Variants in GABRR3 observed in about 807,000 individuals in gnomAD.
GABRR3 encodes gamma-aminobutyric acid type A receptor subunit rho3, also known as gamma-aminobutyric acid receptor subunit rho-3.
A neutral mutation model predicts 43.2 loss-of-function variants in GABRR3; 29 were observed. The observed-to-expected ratio is 0.67, with a 90% CI of 0.50 to 0.92. The LOEUF (loss-of-function observed/expected upper bound fraction) is 0.92, where lower values mean the gene tolerates loss of function less well. Ranked by LOEUF, GABRR3 falls within the 40% of genes least tolerant of loss-of-function variation. The pLI is 0.00. For missense variants in GABRR3, 576 were observed against 572.3 expected (o/e 1.01, Z -0.07); for synonymous variants, 206 against 195.9 (o/e 1.05, Z -0.43).
intron 3 of GABRR3, among the ~76,000 whole-genome samples, chr3:98,018,438 T>C (rs1706900420): frequency 1.3e-5 from 2 of 152,172 alleles, no homozygotes; most frequent in Admixed American, 1.3e-4. Flanking sequence ...GACAGAGCAC[T>C]GCTGACACTT....
chr3:97,988,210 G>A (rs1243194372), intron 9 of GABRR3, among the ~76,000 whole-genome samples: 2 of 151,924 alleles, frequency 1.3e-5, no homozygotes, highest in East Asian at 1.9e-4. Flanking sequence ...CCCTACAGAA[G>A]GACGCATAAT....
intron 2 of GABRR3, among the ~76,000 whole-genome samples, chr3:98,028,692 A>G (rs138874682): frequency 6.6e-6 from 1 of 152,304 alleles, no homozygotes; most frequent in East Asian, 1.9e-4. Context: ...TGAGTAGATC[A>G]GTTTTAAGAA....
intron 3 of GABRR3, among the ~76,000 whole-genome samples, chr3:98,023,926 G>A (rs1470148307): frequency 1.3e-5 from 2 of 152,166 alleles, no homozygotes; most frequent in East Asian, 1.9e-4. Context: ...TGTTAGAAAC[G>A]CAAATGGTTG....
chr3:98,026,250 G>A (rs377227283), intron 2 of GABRR3, among the ~76,000 whole-genome samples: 6 of 152,170 alleles, frequency 3.9e-5, no homozygotes, highest in African/African-American at 1.4e-4. Context: ...ATTCCCATCC[G>A]GGGTTCTAGA....
chr3:98,010,003 C>A (rs1286064827), intron 5 of GABRR3, among the ~76,000 whole-genome samples: 1 of 152,148 alleles, frequency 6.6e-6, no homozygotes, highest in Admixed American at 6.5e-5. Flanking sequence ...GTGTCAGAAC[C>A]AAGCTGGAAC....
At chr3:98,014,193 T>C (rs1162755627) in intron 4 of GABRR3, among the ~76,000 whole-genome samples, 2 of 152,192 alleles carry the variant, frequency 1.3e-5, no homozygotes, top group Admixed American at 1.3e-4. Flanking sequence ...CAGCTAACCT[T>C]ATTCAGGAGG....
intron 8 of GABRR3, chr3:97,999,435 T>C (rs1706603538): frequency 6.6e-6 from 1 of 152,110 alleles, no homozygotes; most frequent in Non-Finnish European, 1.5e-5. Flanking sequence ...TTGTAGTATC[T>C]GAAGGTGAAG....
At chr3:98,000,302 G>A (rs1355412279) in intron 8 of GABRR3, 1 of 152,102 alleles carries the variant, frequency 6.6e-6, no homozygotes, top group East Asian at 1.9e-4. Flanking sequence ...CATTTTCACA[G>A]TATAAGAGCA....
At chr3:98,019,715 A>G (rs1706914362) in intron 3 of GABRR3, among the ~76,000 whole-genome samples, 1 of 152,068 alleles carries the variant, frequency 6.6e-6, no homozygotes, top group Admixed American at 6.6e-5. Context: ...CCTCCTGAGT[A>G]GCTGGGATTA....
rs980085111 is a variant in GABRR3 at position 98,002,644 on chromosome 3, A to G, written c.755-877T>C. Among the ~76,000 whole-genome samples, 12 of 152,220 alleles carry G rather than the reference A, an allele frequency of 7.9e-5. No individual in the cohort carries two copies. In the East Asian group the frequency reaches 2.1e-3, roughly 27 times the overall value. ...CTTTATTTCACAATAACTATGTGCTAATCTTGTTAAATCTTTACTAAAATA... is the reference window on the plus strand; with the variant it reads ...CTTTATTTCACAATAACTATGTGCTGATCTTGTTAAATCTTTACTAAAATA... On this transcript the variant is annotated intron_variant, in intron 7 of 9. Coordinates refer to ENST00000621172, the Ensembl canonical transcript of GABRR3.
chr3:98,000,107 T>A (rs1003455250), intron 8 of GABRR3: 6 of 152,102 alleles, frequency 3.9e-5, no homozygotes, highest in Non-Finnish European at 8.8e-5. Context: ...TAAAATAATT[T>A]TTTTAAAAAG....
chr3:98,001,875 T>C lies in GABRR3; in HGVS notation c.755-108A>G, dbSNP rs1576039501. 9 of 1,164,452 alleles carry C rather than the reference T, an allele frequency of 7.7e-6. No homozygotes were observed. In the East Asian group the frequency reaches 2.0e-4, roughly 25 times the overall value. The allele number at this position is 1,164,452 out of a possible 1,614,324, so 72.1% of individuals were successfully genotyped here. A position where few individuals can be genotyped will look rare whatever the true frequency, so the allele number is the denominator to read the frequency against. On this transcript the variant is annotated intron_variant, in intron 7 of 9. Transcript: ENST00000621172. Reference sequence around the variant, plus strand: ...ACTCCAAGCTCTTGGGGACACGGAATTTGACAAACTCATCTCCATTTAGTT... The same window carrying C: ...ACTCCAAGCTCTTGGGGACACGGAACTTGACAAACTCATCTCCATTTAGTT...
chr3:97,990,633 C>A (rs928867372), intron 9 of GABRR3, among the ~76,000 whole-genome samples: 3 of 152,278 alleles, frequency 2.0e-5, no homozygotes, highest in East Asian at 1.9e-4. Context: ...AGGCATGAAC[C>A]ACTGTGCCTG....
downstream of GABRR3, among the ~76,000 whole-genome samples, chr3:97,985,503 G>A (rs1706372710): frequency 6.6e-6 from 1 of 152,132 alleles, no homozygotes; most frequent in Non-Finnish European, 1.5e-5. Context: ...ACCAGACAGT[G>A]TACATACCTC....
downstream of GABRR3, among the ~76,000 whole-genome samples, chr3:97,985,842 A>ATT (rs1163114616): frequency 8.4e-5 from 4 of 47,366 alleles, no homozygotes; most frequent in Non-Finnish European, 1.8e-4. Flanking sequence ...ATGAAACAAT[A>ATT]TTTTATATAT....
At chr3:98,008,114 A>G (rs1232773819) in intron 6 of GABRR3, among the ~76,000 whole-genome samples, 1 of 152,194 alleles carries the variant, frequency 6.6e-6, no homozygotes, top group Non-Finnish European at 1.5e-5. Flanking sequence ...GACCCTGATG[A>G]CTAGTATAGT....
rs529199980 is a variant in GABRR3 at position 98,007,591 on chromosome 3, GGAAA to G, written c.754+169_754+172del. The G allele has an allele frequency of 1.6e-3, 297 of 190,276 alleles. 1 individual carries two copies. Among genetic ancestry groups the G allele is most frequent in the Middle Eastern group, 0.011 (4 of 352 alleles). The allele number at this position is 190,276 out of a possible 1,614,324, so 11.8% of individuals were successfully genotyped here. A position where few individuals can be genotyped will look rare whatever the true frequency, so the allele number is the denominator to read the frequency against. ...CTAGTTAGAGGTGGCTGCATGAGTG[GGAAA>G]GAAACGATGTATGGAAGGGTGGAGC... On this transcript the variant is annotated intron_variant, in intron 7 of 9. Coordinates refer to ENST00000621172, the Ensembl canonical transcript of GABRR3.
At chr3:98,004,627 G>A (rs981931933) in intron 7 of GABRR3, among the ~76,000 whole-genome samples, 1 of 150,752 alleles carries the variant, frequency 6.6e-6, no homozygotes, top group Non-Finnish European at 1.5e-5. Flanking sequence ...TGTTAATATT[G>A]CCAGGTCGTG....
At chr3:98,008,063 C>T (rs1706744581) in intron 6 of GABRR3, 159 bp from the exon 7 acceptor site, 2 of 185,904 alleles carry the variant, frequency 1.1e-5, no homozygotes. Context: ...ACTGATCATA[C>T]ACACACTTTT....
Sources: allele counts gnomAD v4.1 joint callset (sites outside exome capture counted in the v4.1 genomes callset), GRCh38; gene constraint gnomAD v4.1.1; transcripts MANE v1.5; gene names NCBI Gene and HGNC (gene_info 2026-07-23, HGNC 2026-07-21).